The following MILR1 variants were observed in gnomAD, a reference collection of about 807,000 sequenced individuals.
MILR1 encodes the protein allergin-1.
In MILR1, 31 loss-of-function variants were observed where a neutral mutation model predicts 18.5. The ratio of observed to expected loss-of-function variants is 1.68; its 90% CI spans 1.26 to 2.26. The LOEUF (loss-of-function observed/expected upper bound fraction) is 2.26, where lower values mean the gene tolerates loss of function less well. Ranked by LOEUF, MILR1 falls within the 30% of genes most tolerant of loss-of-function variation. The pLI is 0.00. For missense variants in MILR1, 257 were observed against 157.4 expected (o/e 1.63, Z -3.38); for synonymous variants, 85 against 56.2 (o/e 1.51, Z -2.30).
chr17:64,468,715 T>G (rs1410680750), downstream of MILR1: 4 of 753,482 alleles, frequency 5.3e-6, no homozygotes, highest in African/African-American at 5.7e-5. Context: ...TCTTTTCCAC[T>G]GGTCAGCACT....
the MILR1 span, among the ~76,000 whole-genome samples, chr17:64,481,086 C>T: frequency 4.6e-5 from 7 of 152,282 alleles, no homozygotes; most frequent in East Asian, 1.9e-4. Context: ...CACTGCTGAC[C>T]CAGGGTGTTT....
chr17:64,461,091 A>C (rs1432904357), intron 5 of MILR1, among the ~76,000 whole-genome samples, 159 bp downstream of exon 5: 1 of 152,090 alleles, frequency 6.6e-6, no homozygotes, highest in Non-Finnish European at 1.5e-5. Flanking sequence ...GGAATGGAAT[A>C]GACTTCCTGA....
At chr17:64,475,580 C>T in the MILR1 span, among the ~76,000 whole-genome samples, 8 of 146,396 alleles carry the variant, frequency 5.5e-5, no homozygotes, top group South Asian at 1.8e-3. Context: ...ACCTCGGAGG[C>T]GGAGGTTGCA....
chr17:64,459,546 C>T (rs1244942437), intron 4 of MILR1, among the ~76,000 whole-genome samples: 3 of 152,228 alleles, frequency 2.0e-5, no homozygotes, highest in East Asian at 3.8e-4. Context: ...ACAGAGCCCA[C>T]GCCCTGGTAT....
chr17:64,477,538 CTAACTATAGAAACAGTAA>C, the MILR1 span, among the ~76,000 whole-genome samples: 1 of 152,194 alleles, frequency 6.6e-6, no homozygotes. Flanking sequence ...GCCTGGGTCC[CTAACTATAGAAACAGTAA>C]TACTAGCTTT....
the MILR1 span, chr17:64,485,188 TTTC>T: frequency 1.3e-5 from 2 of 155,566 alleles, no homozygotes; most frequent in Non-Finnish European, 2.8e-5. Flanking sequence ...CCATTAATCA[TTTC>T]TTTTCTCTCC....
At chr17:64,490,534 C>A in the MILR1 span, 1 of 462,622 alleles carries the variant, frequency 2.2e-6, no homozygotes, top group Non-Finnish European at 3.9e-6. Context: ...ATGACAACTA[C>A]ATGAAAGACA....
At chr17:64,478,133 T>C in the MILR1 span, 1 of 737,580 alleles carries the variant, frequency 1.4e-6, no homozygotes, top group Non-Finnish European at 2.2e-6. Context: ...CCCAACATTT[T>C]TAAAGTTTCT....
chr17:64,474,703 C>A, the MILR1 span, among the ~76,000 whole-genome samples: 460 of 152,078 alleles, frequency 3.0e-3, 1 homozygote, highest in African/African-American at 0.011. Context: ...GAAATACACA[C>A]TCTCCTATAT....
intron 4 of MILR1, among the ~76,000 whole-genome samples, chr17:64,459,412 G>A (rs965042099): frequency 1.3e-4 from 20 of 152,076 alleles, no homozygotes; most frequent in African/African-American, 3.6e-4. Context: ...TCCAGCCTGC[G>A]TAACAGAGCG....
the MILR1 span, among the ~76,000 whole-genome samples, chr17:64,491,969 A>G: frequency 2.6e-5 from 4 of 152,062 alleles, no homozygotes; most frequent in African/African-American, 4.8e-5. Flanking sequence ...GACAACAAAA[A>G]TAAAATAAAA....
the MILR1 span, chr17:64,481,459 G>GA: frequency 3.7e-5 from 36 of 973,300 alleles, no homozygotes; most frequent in Non-Finnish European, 4.3e-5. Context: ...GGAACGAAAT[G>GA]AAAGCCATCC....
At chr17:64,475,799 TACC>T in the MILR1 span, among the ~76,000 whole-genome samples, 1 of 145,504 alleles carries the variant, frequency 6.9e-6, no homozygotes, top group Non-Finnish European at 1.5e-5. Flanking sequence ...CAGACACTAC[TACC>T]ACTTCCTTTT....
downstream of MILR1, among the ~76,000 whole-genome samples, chr17:64,473,528 C>T (rs899612813): frequency 3.9e-5 from 6 of 151,914 alleles, no homozygotes; most frequent in Non-Finnish European, 8.8e-5. Context: ...CTGACTCTTC[C>T]GCAGCACACA....
chr17:64,450,910 A>G, intron 2 of MILR1, among the ~76,000 whole-genome samples: 1 of 152,292 alleles, frequency 6.6e-6, no homozygotes, highest in South Asian at 2.1e-4. Flanking sequence ...CTTGTACACA[A>G]CGTCCTTTGT....
At chr17:64,490,985 T>G in the MILR1 span, 5 of 1,597,332 alleles carry the variant, frequency 3.1e-6, no homozygotes, top group Non-Finnish European at 2.6e-6. Flanking sequence ...AAAGAAAATT[T>G]AAGTTTGTCT....
chr17:64,449,623 T>G (rs1010477869), intron 2 of MILR1, among the ~76,000 whole-genome samples: 4 of 152,290 alleles, frequency 2.6e-5, no homozygotes, highest in Admixed American at 1.3e-4. Flanking sequence ...GTTTTATGGT[T>G]GTTGTGTTTT....
downstream of MILR1, among the ~76,000 whole-genome samples, chr17:64,472,406 C>T (rs1298922966): frequency 3.2e-5 from 4 of 126,162 alleles, no homozygotes; most frequent in African/African-American, 6.2e-5. Flanking sequence ...GTGGAGGTTG[C>T]AGTGAGCCAA....
chr17:64,485,713 A>C, the MILR1 span: 3 of 1,604,940 alleles, frequency 1.9e-6, no homozygotes, highest in Non-Finnish European at 2.6e-6. Context: ...TCTATCTCTG[A>C]AATATCAACA....
Sources: allele counts gnomAD v4.1 joint callset (sites outside exome capture counted in the v4.1 genomes callset), GRCh38; gene constraint gnomAD v4.1.1; transcripts MANE v1.5; gene names NCBI Gene and HGNC (gene_info 2026-07-23, HGNC 2026-07-21).